The following SLC12A1 variants were observed in gnomAD, a reference collection of about 807,000 sequenced individuals.
SLC12A1 encodes Na-K-2Cl cotransporter.
SLC12A1 carries 89 observed loss-of-function variants against 130.4 expected under a neutral mutation model. The observed-to-expected ratio is 0.68, with a 90% confidence interval of 0.58 to 0.81. SLC12A1 has a LOEUF of 0.81. Ranked by LOEUF, SLC12A1 falls within the 40% of genes least tolerant of loss-of-function variation. The pLI is 0.00. For synonymous variants in SLC12A1, 499 were observed against 460.0 expected, an observed-to-expected ratio of 1.08 and a Z score of -1.09; for missense variants, 1,310 against 1,336.4, an observed-to-expected ratio of 0.98 and a Z score of 0.31.
intron 24 of SLC12A1, among the ~76,000 whole-genome samples, chr15:48,295,859 G>GTTTT (rs2042172890): frequency 6.6e-6 from 1 of 152,206 alleles, no homozygotes; most frequent in African/African-American, 2.4e-5. Context: ...GTCCATATCT[G>GTTTT]ATGTTGGCAA....
At chr15:48,266,617 A>G (rs777042113) in intron 17 of SLC12A1, among the ~76,000 whole-genome samples, 32 of 152,276 alleles carry the variant, frequency 2.1e-4, no homozygotes, top group Non-Finnish European at 2.2e-4. Context: ...GCTGCATTTT[A>G]TCAAGATCCC....
intron 25 of SLC12A1, 92 bp downstream of exon 25, chr15:48,299,367 T>C (rs2042209116): frequency 9.2e-7 from 1 of 1,092,672 alleles, no homozygotes; most frequent in South Asian, 2.2e-5. Flanking sequence ...AATATATTTA[T>C]TATCAAATGT....
intron 17 of SLC12A1, among the ~76,000 whole-genome samples, chr15:48,261,567 G>A (rs775421411): frequency 2.6e-5 from 4 of 152,168 alleles, no homozygotes; most frequent in Non-Finnish European, 5.9e-5. Context: ...ATGAGCTCCT[G>A]GGGCTGCAGA....
In SLC12A1 at chr15:48,226,535, A is replaced by C. The variant is rs1567309047; in HGVS notation, c.688A>C (p.Thr230Pro). 1 of 1,610,726 alleles carries C rather than the reference A, an allele frequency of 6.2e-7. No homozygotes were observed. Among genetic ancestry groups the C allele is most frequent in the Non-Finnish European group, 8.5e-7 (1 of 1,178,422 alleles). Residue 230 changes from threonine to proline, a missense_variant, in exon 5 of 27, where the codon ACT becomes CCT. Thr to Pro is a conservative substitution (Grantham distance 38, BLOSUM62 -1). Coordinates refer to ENST00000380993, the MANE Select transcript of SLC12A1 (RefSeq NM_000338.3). ...GGTAACTTCTATTACTGGGTTGTCA[A>C]CTTCTGCGATAGCAACTAACGGGTT... is the stretch of plus-strand genomic sequence containing the variant. ...TMVTSITGLS[T>P]SAIATNGFVR...
At chr15:48,232,951 T>A (rs2041398822) in intron 8 of SLC12A1, 113 bp downstream of exon 8, 1 of 683,040 alleles carries the variant, frequency 1.5e-6, no homozygotes, top group Admixed American at 2.5e-5. Flanking sequence ...CCTTTCAAGT[T>A]ACTTGTGGAT....
intron 8 of SLC12A1, among the ~76,000 whole-genome samples, chr15:48,234,225 G>A (rs1020394439): frequency 6.6e-6 from 1 of 152,148 alleles, no homozygotes; most frequent in Non-Finnish European, 1.5e-5. Context: ...TGGTGCATTT[G>A]TGGGTATGCC....
intron 1 of SLC12A1, among the ~76,000 whole-genome samples, chr15:48,206,926 C>A (rs1046408913): frequency 6.6e-6 from 1 of 151,932 alleles, no homozygotes; most frequent in African/African-American, 2.4e-5. Flanking sequence ...ACATTTGGAT[C>A]TTGTAAAAGA....
In SLC12A1 at chr15:48,207,562, G is replaced by A. The variant is rs1255117732; in HGVS notation, c.-158G>A. On this transcript the variant is annotated 5_prime_UTR_variant, in exon 2 of 27. Coordinates refer to ENST00000380993, the MANE Select transcript of SLC12A1 (RefSeq NM_000338.3). The stretch of plus-strand genomic sequence containing the variant: ...TGAAGAACATCCTGAAGATTATATC[G>A]GAGACAATATATCAAGAATCTATTT... The A allele has an allele frequency of 3.2e-5, 16 of 492,728 alleles. No individual in the cohort carries two copies. Among genetic ancestry groups the A allele is most frequent in the South Asian group, 1.2e-4 (2 of 17,160 alleles). The allele number at this position is 492,728 out of a possible 1,614,324, so 30.5% of individuals were successfully genotyped here.
intron 2 of SLC12A1, among the ~76,000 whole-genome samples, chr15:48,208,676 G>A (rs1206607181): frequency 1.3e-5 from 2 of 152,200 alleles, no homozygotes; most frequent in Admixed American, 1.3e-4. Flanking sequence ...TAGGCAATAT[G>A]TTGTACCTTG....
chr15:48,298,770 G>A (rs1175488036), intron 24 of SLC12A1, among the ~76,000 whole-genome samples: 1 of 152,158 alleles, frequency 6.6e-6, no homozygotes, highest in Non-Finnish European at 1.5e-5. Flanking sequence ...TCATTTGTGT[G>A]GTAAAGTATC....
chr15:48,210,863 CA>C (rs879639499), intron 2 of SLC12A1, among the ~76,000 whole-genome samples: 73 of 136,840 alleles, frequency 5.3e-4, no homozygotes, highest in Middle Eastern at 3.8e-3. Context: ...AACTCCATCT[CA>C]AAAAAAAAAA....
intron 10 of SLC12A1, among the ~76,000 whole-genome samples, chr15:48,242,562 G>A (rs569274249): frequency 6.6e-6 from 1 of 152,282 alleles, no homozygotes; most frequent in African/African-American, 2.4e-5. Context: ...CACTAATTTG[G>A]GGGGCTGAGG....
intron 2 of SLC12A1, among the ~76,000 whole-genome samples, chr15:48,213,023 T>C (rs1399224329): frequency 6.6e-6 from 1 of 152,204 alleles, no homozygotes; most frequent in Non-Finnish European, 1.5e-5. Context: ...GAAGGTACTA[T>C]TATTATTGCT....
chr15:48,268,662 A>C (rs2041859298), intron 18 of SLC12A1, among the ~76,000 whole-genome samples: 1 of 152,216 alleles, frequency 6.6e-6, no homozygotes, highest in Admixed American at 6.5e-5. Flanking sequence ...CAATTTCTGC[A>C]AAACCTATTA....
intron 9 of SLC12A1, among the ~76,000 whole-genome samples, chr15:48,236,338 A>C (rs186408359): frequency 1.9e-3 from 288 of 152,360 alleles, no homozygotes; most frequent in African/African-American, 6.3e-3. Flanking sequence ...GAACCTGAGC[A>C]TAAAGCAAAG....
intron 3 of SLC12A1, 73 bp downstream of exon 3, chr15:48,220,838 C>G (rs1177884038): frequency 1.2e-6 from 2 of 1,610,594 alleles, no homozygotes; most frequent in Non-Finnish European, 1.7e-6. Flanking sequence ...TGAACAAGGC[C>G]TGGGCACAGC....
At chr15:48,236,669 A>T (rs980032187) in intron 9 of SLC12A1, among the ~76,000 whole-genome samples, 1 of 152,210 alleles carries the variant, frequency 6.6e-6, no homozygotes, top group African/African-American at 2.4e-5. Flanking sequence ...ATTAGGGGCC[A>T]CAGTGCTATG....
chr15:48,269,816 C>A, intron 19 of SLC12A1, 52 bp downstream of exon 19: 2 of 974,222 alleles, frequency 2.1e-6, no homozygotes, highest in Non-Finnish European at 1.6e-6. Context: ...CTAAGCAGGG[C>A]AGTACATAAC....
intron 14 of SLC12A1, 24 bp from the exon 15 acceptor site, chr15:48,251,591 T>C (rs1247521871): frequency 6.2e-7 from 1 of 1,601,094 alleles, no homozygotes; most frequent in South Asian, 1.1e-5. Context: ...GTGGAAGTTT[T>C]CCTTCTGCAT....
Sources: gnomAD v4.1 joint callset for allele counts (sites outside exome capture counted in the v4.1 genomes callset) on GRCh38, gnomAD v4.1.1 for gene constraint, MANE v1.5 for transcripts, NCBI Gene and HGNC (gene_info 2026-07-23, HGNC 2026-07-21) for gene names.